NCR1: variants seen among roughly 807,000 people sequenced by gnomAD.
The protein encoded by NCR1 is NK cell-activating receptor.
NCR1 carries 30 observed loss-of-function variants against 32.5 expected under a neutral mutation model. The ratio of observed to expected loss-of-function variants is 0.92; its 90% CI spans 0.69 to 1.25. The LOEUF is 1.25. NCR1 is among the 50% of genes most tolerant of loss of function. NCR1 has a pLI of 0.00. For synonymous variants in NCR1, 169 were observed against 143.4 expected, an observed-to-expected ratio of 1.18 and a Z score of -1.28; for missense variants, 369 against 380.7, an observed-to-expected ratio of 0.97 and a Z score of 0.26.
rs543563725 is a variant in NCR1 at position 54,912,235 on chromosome 19, G to C, written c.733+17G>C. ...TCCAGAAAGGTAAGTAGACAGCTGGGGCCATAGGCTCTGAAGGAAGGGGCT... is the reference window on the plus strand; with the variant it reads ...TCCAGAAAGGTAAGTAGACAGCTGGCGCCATAGGCTCTGAAGGAAGGGGCT... On this transcript the variant is annotated intron_variant, in intron 6 of 6. Coordinates refer to ENST00000291890, the MANE Select transcript of NCR1 (RefSeq NM_004829.7). 2 of 1,612,512 alleles carry C rather than the reference G, an allele frequency of 1.2e-6. No individual in the cohort carries two copies. The highest frequency in any genetic ancestry group is 1.7e-6 in the Non-Finnish European group (2 of 1,178,724).
chr19:54,917,979 C>T (rs974803015), downstream of NCR1, among the ~76,000 whole-genome samples: 5 of 151,898 alleles, frequency 3.3e-5, no homozygotes, highest in African/African-American at 1.2e-4. Context: ...TTTCTTGAGA[C>T]AGAGTCTTGC....
At chr19:54,910,242 C>T (rs587685365) in intron 5 of NCR1, among the ~76,000 whole-genome samples, 177 bp downstream of exon 5, 140 of 152,182 alleles carry the variant, frequency 9.2e-4, no homozygotes, top group African/African-American at 3.2e-3. Flanking sequence ...TTGAGACCAG[C>T]CTGGCCAACA....
the NCR1 span, among the ~76,000 whole-genome samples, chr19:54,922,778 C>CAAA: frequency 0.094 from 3,675 of 39,102 alleles, 316 homozygotes; most frequent in African/African-American, 0.12. Context: ...AACTCCGTCT[C>CAAA]AAAAAAAAAA....
chr19:54,937,900 CAAA>C, the NCR1 span: 7,986 of 489,796 alleles, frequency 0.016, no homozygotes, highest in East Asian at 0.022. Flanking sequence ...TCCGTCTCAC[CAAA>C]AAAAAAAAAA....
chr19:54,936,713 G>A, the NCR1 span, among the ~76,000 whole-genome samples: 9 of 152,000 alleles, frequency 5.9e-5, no homozygotes, highest in Non-Finnish European at 1.0e-4. Flanking sequence ...TCAGGAGTTC[G>A]AGACCAGCCT....
Position 54,912,139 on chromosome 19 carries a change from CCT to C in NCR1, c.683-26_683-25del, listed in dbSNP as rs772459199. ...CTGGGGTGGAGGAGGTCAAAACCAT[CCT>C]CTTTTCTTCACTTCCCTTATCATCA... On this transcript the variant is annotated intron_variant, in intron 5 of 6. Coordinates refer to ENST00000291890, the MANE Select transcript of NCR1 (RefSeq NM_004829.7). The C allele has an allele frequency of 1.9e-6, 3 of 1,607,520 alleles. No homozygotes were observed. In the South Asian group the frequency reaches 3.3e-5, roughly 18 times the overall value.
At chr19:54,910,216 ATT>A in intron 5 of NCR1, 151 bp downstream of exon 5, 1 of 732,642 alleles carries the variant, frequency 1.4e-6, no homozygotes, top group Non-Finnish European at 2.3e-6. Flanking sequence ...ATGGTGCATC[ATT>A]TGAGGTCAGG....
chr19:54,928,848 G>A, the NCR1 span, among the ~76,000 whole-genome samples: 2 of 152,036 alleles, frequency 1.3e-5, no homozygotes, highest in African/African-American at 4.8e-5. Context: ...TGTTGCCAAG[G>A]CTGGAGTGCA....
rs151274679 is a variant in NCR1, at chr19:54,910,280, A to T, written c.682+215A>T. Among the ~76,000 whole-genome samples, 903 of 152,250 alleles carry T rather than the reference A, an allele frequency of 5.9e-3. 7 individuals carry two copies. The highest frequency in any genetic ancestry group is 0.011 in the Non-Finnish European group (725 of 68,004). On this transcript the variant is annotated intron_variant, in intron 5 of 6. Transcript: ENST00000291890. ...GCGAAACCCTGTCTCTACTAAAAAT[A>T]CAAAACTTAGGCTGGGCATCATGGC...
At chr19:54,904,909 A>T (rs750290159), upstream of NCR1, among the ~76,000 whole-genome samples, 1 of 152,182 alleles carries the variant, frequency 6.6e-6, no homozygotes, top group Non-Finnish European at 1.5e-5. Flanking sequence ...TGCAAAGGAC[A>T]TAATCTTGTG....
the NCR1 span, among the ~76,000 whole-genome samples, chr19:54,935,541 C>A: frequency 1.3e-5 from 2 of 152,002 alleles, no homozygotes; most frequent in African/African-American, 4.8e-5. Flanking sequence ...ATTAAAAATA[C>A]AAACATTTGC....
chr19:54,922,630 T>C, the NCR1 span, among the ~76,000 whole-genome samples: 1 of 151,148 alleles, frequency 6.6e-6, no homozygotes, highest in African/African-American at 2.4e-5. Context: ...ATACAAAAAA[T>C]TAGCCAGGCA....
At chr19:54,915,328 C>G (rs2068111211), downstream of NCR1, among the ~76,000 whole-genome samples, 1 of 152,146 alleles carries the variant, frequency 6.6e-6, no homozygotes, top group African/African-American at 2.4e-5. Flanking sequence ...TCGCTTTCCT[C>G]CCTGAGAACT....
upstream of NCR1, among the ~76,000 whole-genome samples, chr19:54,901,368 A>G (rs1431813992): frequency 3.3e-5 from 2 of 60,478 alleles, no homozygotes; most frequent in Non-Finnish European, 5.1e-5. Context: ...CTCAAAAAAA[A>G]AAAAAAAAAA....
At chr19:54,928,516 G>A in the NCR1 span, among the ~76,000 whole-genome samples, 9 of 152,128 alleles carry the variant, frequency 5.9e-5, no homozygotes, top group South Asian at 2.1e-4. Flanking sequence ...CAGACATCTC[G>A]ATATGTTCTA....
Position 54,912,233 on chromosome 19 carries a change from G to A in NCR1, c.733+15G>A. On this transcript the variant is annotated intron_variant, in intron 6 of 6. Coordinates refer to ENST00000291890, the MANE Select transcript of NCR1 (RefSeq NM_004829.7). The stretch of plus-strand genomic sequence containing the variant: ...ACTCCAGAAAGGTAAGTAGACAGCT[G>A]GGGCCATAGGCTCTGAAGGAAGGGG... 3.7e-6 allele frequency: 6 copies of A among 1,612,688 alleles called. No individual in the cohort carries two copies. The highest frequency in any genetic ancestry group is 1.1e-5 in the South Asian group (1 of 91,024).
chr19:54,923,953 C>T, the NCR1 span: 1 of 1,486,884 alleles, frequency 6.7e-7, no homozygotes, highest in South Asian at 1.1e-5. Context: ...TTTTCAAACA[C>T]TCAAAGCAGG....
At chr19:54,936,320 C>G in the NCR1 span, 1 of 1,614,066 alleles carries the variant, frequency 6.2e-7, no homozygotes, top group Non-Finnish European at 8.5e-7. Context: ...TCAGCATCAT[C>G]GTGCGTTCCC....
chr19:54,910,595 TTATATATA>T (rs369546393), intron 5 of NCR1, among the ~76,000 whole-genome samples: 6 of 151,210 alleles, frequency 4.0e-5, no homozygotes, highest in Admixed American at 3.3e-4. Flanking sequence ...AACAAAACTA[TTATATATA>T]TATATTCATC....
Sources: allele counts gnomAD v4.1 joint callset (sites outside exome capture counted in the v4.1 genomes callset), GRCh38; gene constraint gnomAD v4.1.1; transcripts MANE v1.5; gene names NCBI Gene and HGNC (gene_info 2026-07-23, HGNC 2026-07-21).